The following EEPD1 variants were observed in gnomAD, a reference collection of about 807,000 sequenced individuals.
EEPD1 encodes the protein endonuclease/exonuclease/phosphatase family domain containing 1.
In EEPD1, 17 loss-of-function variants were observed where a neutral mutation model predicts 46.3. That is an observed-to-expected ratio of 0.37 (90% confidence interval 0.25 to 0.55). EEPD1 has a LOEUF of 0.55. EEPD1 is among the 20% of genes least tolerant of loss of function. EEPD1 has a pLI of 0.83. For missense variants in EEPD1, 673 were observed against 745.6 expected (o/e 0.90, Z 1.13); for synonymous variants, 313 against 315.6 (o/e 0.99, Z 0.09).
chr7:36,155,714 A>G (rs1263267087), intron 2 of EEPD1, among the ~76,000 whole-genome samples: 1 of 152,232 alleles, frequency 6.6e-6, no homozygotes, highest in Non-Finnish European at 1.5e-5. Flanking sequence ...ATCACTCTCC[A>G]TTCTTTTTCC....
intron 2 of EEPD1, among the ~76,000 whole-genome samples, chr7:36,204,556 C>T (rs1193573851): frequency 6.6e-6 from 1 of 152,152 alleles, no homozygotes; most frequent in African/African-American, 2.4e-5. Flanking sequence ...AGACACTGAC[C>T]TTCCCTTAGG....
chr7:36,287,839 T>C, intron 6 of EEPD1, 62 bp downstream of exon 6: 14 of 1,582,590 alleles, frequency 8.8e-6, no homozygotes, highest in South Asian at 1.2e-5. Context: ...GGCTGCCTCT[T>C]CTGAGCCATC....
intron 4 of EEPD1, among the ~76,000 whole-genome samples, chr7:36,283,230 G>A (rs972176967): frequency 1.4e-4 from 21 of 152,192 alleles, no homozygotes; most frequent in Admixed American, 4.6e-4. Flanking sequence ...AGAGGGGAGC[G>A]CCTAGGTCAG....
chr7:36,273,863 G>A (rs1424847964), intron 3 of EEPD1, among the ~76,000 whole-genome samples: 1 of 152,204 alleles, frequency 6.6e-6, no homozygotes, highest in Admixed American at 6.5e-5. Context: ...AAGCCACGAG[G>A]AAGCAAGCCC....
intron 2 of EEPD1, among the ~76,000 whole-genome samples, chr7:36,197,892 AAAAAAAAAATAAAAAAAT>A (rs1304259257): frequency 4.7e-5 from 7 of 149,906 alleles, no homozygotes; most frequent in Non-Finnish European, 8.9e-5. Flanking sequence ...ATGATCAATA[AAAAAAAAAATAAAAAAAT>A]AAAAAAAAAT....
At chr7:36,218,103 C>G (rs936139689) in intron 2 of EEPD1, among the ~76,000 whole-genome samples, 2 of 152,186 alleles carry the variant, frequency 1.3e-5, no homozygotes, top group African/African-American at 4.8e-5. Context: ...AGAAACGATA[C>G]TCTGATTGTT....
At chr7:36,170,564 G>A (rs1388469443) in intron 2 of EEPD1, among the ~76,000 whole-genome samples, 1 of 90,678 alleles carries the variant, frequency 1.1e-5, no homozygotes, top group African/African-American at 4.7e-5. Context: ...TGTTAAAAGT[G>A]TCTTTTTTTT....
At position 36,154,224 on chromosome 7, in the gene EEPD1, T is replaced by C. The variant is rs531619826; in HGVS notation, c.-101T>C. ...CTCTTCAGTCCCTGAATCCTGCACCTTCCGTTTTTCTGTGCTTGTACGGCC... is the reference window on the plus strand; with the variant it reads ...CTCTTCAGTCCCTGAATCCTGCACCCTCCGTTTTTCTGTGCTTGTACGGCC... On this transcript the variant is annotated 5_prime_UTR_variant, in exon 2 of 8. Coordinates refer to ENST00000242108, the MANE Select transcript of EEPD1 (RefSeq NM_030636.3). This position sits in a 1 kb window ranked among gnomAD's most constrained non-coding sequence, Gnocchi z 4.2. The C allele has an allele frequency of 1.0e-5, 14 of 1,405,604 alleles. No individual in the cohort carries two copies. In the Admixed American group the frequency reaches 3.4e-4, roughly 34 times the overall value. 87.1% of individuals were successfully genotyped at this position (1,405,604 alleles called of 1,614,324 possible).
intron 3 of EEPD1, among the ~76,000 whole-genome samples, chr7:36,242,642 G>A (rs1786572375): frequency 6.6e-6 from 1 of 151,954 alleles, no homozygotes; most frequent in Admixed American, 6.6e-5. Context: ...TCCAGTTGAG[G>A]CCAGGCGTAG....
intron 2 of EEPD1, among the ~76,000 whole-genome samples, chr7:36,191,954 G>A (rs145841590): frequency 0.023 from 3,510 of 152,244 alleles, 62 homozygotes; most frequent in South Asian, 0.053. Flanking sequence ...GTTTCAGGAG[G>A]TAAAGATTAG....
At chr7:36,205,986 T>C (rs1363031863) in intron 2 of EEPD1, among the ~76,000 whole-genome samples, 1 of 152,166 alleles carries the variant, frequency 6.6e-6, no homozygotes, top group Non-Finnish European at 1.5e-5. Context: ...GGGCGCTGTG[T>C]CTTCCATTCA....
At chr7:36,207,047 T>TCAAAAA (rs1014963208) in intron 2 of EEPD1, among the ~76,000 whole-genome samples, 15 of 152,090 alleles carry the variant, frequency 9.9e-5, no homozygotes, top group African/African-American at 3.1e-4. Flanking sequence ...AGACTCTGTC[T>TCAAAAA]CAAAAACAAA....
At chr7:36,289,640 G>A (rs997526917) in intron 6 of EEPD1, among the ~76,000 whole-genome samples, 5 of 152,170 alleles carry the variant, frequency 3.3e-5, no homozygotes, top group Non-Finnish European at 7.3e-5. Context: ...GACTATAGGC[G>A]CCCGCCACCG....
intron 2 of EEPD1, among the ~76,000 whole-genome samples, chr7:36,195,300 T>G (rs1001531326): frequency 6.6e-6 from 1 of 152,216 alleles, no homozygotes; most frequent in Non-Finnish European, 1.5e-5. Flanking sequence ...TGACCCAGTG[T>G]GCTGGGGGCA....
In EEPD1 at chr7:36,155,136, GT is replaced by G; in HGVS notation, c.814del (p.Ser272ProfsTer16). 6.5e-7 allele frequency: 1 copy of G among 1,534,898 alleles called. No individual in the cohort carries two copies. On this transcript the variant is annotated frameshift_variant, in exon 2 of 8. Transcript: ENST00000242108. LOFTEE classifies it high-confidence loss of function. ...LRLATWNLQG[C>X]SVEKANNPGV... ...CTGGCCACCTGGAACTTGCAGGGCT[GT>G]TCCGTGGAGAAGGCCAACAACCCCG...
intron 7 of EEPD1, among the ~76,000 whole-genome samples, chr7:36,298,675 T>C (rs527565375): frequency 1.3e-5 from 2 of 152,192 alleles, no homozygotes; most frequent in African/African-American, 4.8e-5. Context: ...TTATGAGGCG[T>C]CTGTCTCTGT....
intron 3 of EEPD1, among the ~76,000 whole-genome samples, chr7:36,270,078 A>G (rs1215274406): frequency 3.3e-5 from 5 of 152,196 alleles, no homozygotes; most frequent in Non-Finnish European, 5.9e-5. Context: ...ATGGCACAGT[A>G]TAAGTGGGAA....
At chr7:36,248,845 G>A (rs983906629) in intron 3 of EEPD1, among the ~76,000 whole-genome samples, 9 of 152,142 alleles carry the variant, frequency 5.9e-5, no homozygotes, top group African/African-American at 9.6e-5. Context: ...CCCAGACTCC[G>A]CTGTATGGAG....
At chr7:36,209,525 GGTTTTTGCCAGTC>G (rs1785886172) in intron 2 of EEPD1, among the ~76,000 whole-genome samples, 1 of 152,110 alleles carries the variant, frequency 6.6e-6, no homozygotes, top group South Asian at 2.1e-4. Context: ...TGCTGATGCT[GGTTTTTGCCAGTC>G]AACTTAGTGT....
Sources: allele counts gnomAD v4.1 joint callset (sites outside exome capture counted in the v4.1 genomes callset), GRCh38; gene constraint gnomAD v4.1.1; non-coding constraint Gnocchi (gnomAD v3.1); transcripts MANE v1.5; gene names NCBI Gene and HGNC (gene_info 2026-07-23, HGNC 2026-07-21).